RRP1: variants seen among roughly 807,000 people sequenced by gnomAD.
The protein encoded by RRP1 is ribosomal RNA processing protein 1 homolog A.
A neutral mutation model predicts 54.6 loss-of-function variants in RRP1; 37 were observed. The ratio of observed to expected loss-of-function variants is 0.68; its 90% confidence interval spans 0.52 to 0.89. RRP1 has a LOEUF of 0.89. RRP1 is among the 40% of genes least tolerant of loss of function. The pLI is 0.00. For synonymous variants in RRP1, 262 were observed against 244.3 expected (o/e 1.07, Z -0.67); for missense variants, 639 against 612.5 (o/e 1.04, Z -0.46).
rs1436172220 is a variant in RRP1 at position 43,803,632 on chromosome 21, G to A, written c.1244G>A (p.Arg415Gln). Reference protein sequence around the residue: ...EAGEQPGTAERALLRDQPRGR... With the variant: ...EAGEQPGTAEQALLRDQPRGR... ...GGTGAGCAGCCAGGCACAGCTGAGC[G>A]GGCCCTGCTCCGAGATCAGCCCAGG... The change falls in exon 13 of 13, where the codon CGG becomes CAG. Residue 415 changes from arginine to glutamine, a missense_variant. Coordinates refer to ENST00000497547, the MANE Select transcript of RRP1 (RefSeq NM_003683.6). 8 of 1,551,086 alleles carry A rather than the reference G, an allele frequency of 5.2e-6. No individual in the cohort carries two copies. The highest frequency in any genetic ancestry group is 1.2e-5 in the South Asian group (1 of 84,122).
chr21:43,791,703 C>T (rs1438839049), intron 2 of RRP1, among the ~76,000 whole-genome samples: 1 of 152,100 alleles, frequency 6.6e-6, no homozygotes, highest in African/African-American at 2.4e-5. Context: ...AGAGTTTCAT[C>T]ATGTTGGTCA....
chr21:43,801,710 G>A (rs1006886599), intron 11 of RRP1, among the ~76,000 whole-genome samples: 4 of 152,284 alleles, frequency 2.6e-5, no homozygotes, highest in Non-Finnish European at 4.4e-5. Flanking sequence ...TCGGGACAGC[G>A]CGCGTCAGTG....
At chr21:43,790,960 A>G (rs1211603774) in intron 1 of RRP1, 8 of 453,084 alleles carry the variant, frequency 1.8e-5, no homozygotes, top group African/African-American at 4.0e-5. Flanking sequence ...TTTGAGATAT[A>G]TTACAGGAGA....
chr21:43,793,665 C>T (rs865800568), intron 4 of RRP1, among the ~76,000 whole-genome samples: 4 of 152,226 alleles, frequency 2.6e-5, no homozygotes, highest in Admixed American at 6.5e-5. Context: ...AGGAAAGTGA[C>T]GATTGCTCTC....
chr21:43,800,415 G>C (rs2085073830), intron 9 of RRP1, 102 bp from the exon 10 acceptor site: 3 of 1,053,374 alleles, frequency 2.8e-6, no homozygotes, highest in Non-Finnish European at 4.3e-6. Context: ...TGGAGAACCT[G>C]CAAGTGGGAC....
intron 8 of RRP1, among the ~76,000 whole-genome samples, chr21:43,798,789 T>C (rs2085051545): frequency 6.6e-6 from 1 of 152,260 alleles, no homozygotes; most frequent in Admixed American, 6.5e-5. Context: ...GTCTGAGCTC[T>C]AAGTGTGGCA....
intron 11 of RRP1, among the ~76,000 whole-genome samples, chr21:43,801,828 C>G (rs2085095722): frequency 6.6e-6 from 1 of 152,200 alleles, no homozygotes; most frequent in African/African-American, 2.4e-5. Flanking sequence ...GGTTGAGCGT[C>G]TCTAATCTGA....
In RRP1 at chr21:43,803,960, T is replaced by G; in HGVS notation, c.*186T>G. 1 of 696,734 alleles carries G rather than the reference T, an allele frequency of 1.4e-6. No homozygotes were observed. Among genetic ancestry groups the G allele is most frequent in the Non-Finnish European group, 2.3e-6 (1 of 442,990 alleles). The allele number at this position is 696,734 out of a possible 1,614,324, so 43.2% of individuals were successfully genotyped here. A position where few individuals can be genotyped will look rare whatever the true frequency, so the allele number is the denominator to read the frequency against. On this transcript the variant is annotated 3_prime_UTR_variant, in exon 13 of 13. Coordinates refer to ENST00000497547, the MANE Select transcript of RRP1 (RefSeq NM_003683.6). Reference sequence around the variant, plus strand: ...GGCCAGCATCCCAGGAACTGGACCTTTCCCCAGAGCCTCCGCCTGTGGCTG... The same window carrying G: ...GGCCAGCATCCCAGGAACTGGACCTGTCCCCAGAGCCTCCGCCTGTGGCTG...
rs1225103099 is a variant in RRP1, at chr21:43,799,666, C to T, written c.891+17C>T. ...GTTCTCCAGGTGGGTTCCCTGGGCTCATGGCTGTGCCCTCAGCCTTTGCCC... is the reference window on the plus strand; with the variant it reads ...GTTCTCCAGGTGGGTTCCCTGGGCTTATGGCTGTGCCCTCAGCCTTTGCCC... On this transcript the variant is annotated intron_variant, in intron 9 of 12. Coordinates refer to ENST00000497547, the MANE Select transcript of RRP1 (RefSeq NM_003683.6). The T allele has an allele frequency of 1.2e-6, 2 of 1,600,822 alleles. No individual in the cohort carries two copies. Among genetic ancestry groups the T allele is most frequent in the South Asian group, 1.1e-5 (1 of 88,640 alleles).
chr21:43,800,027 G>A (rs1414710309), intron 9 of RRP1, among the ~76,000 whole-genome samples: 3 of 152,264 alleles, frequency 2.0e-5, no homozygotes, highest in African/African-American at 4.8e-5. Context: ...TGTGCCAAGC[G>A]GCTGGCCTGT....
intron 8 of RRP1, among the ~76,000 whole-genome samples, chr21:43,799,123 C>A (rs912272883): frequency 6.6e-6 from 1 of 152,090 alleles, no homozygotes; most frequent in African/African-American, 2.4e-5. Flanking sequence ...CATCAAAGCC[C>A]CAAATGCCCA....
chr21:43,797,258 C>T (rs1003195147), intron 5 of RRP1, 164 bp from the exon 6 acceptor site: 9 of 1,195,866 alleles, frequency 7.5e-6, no homozygotes, highest in Non-Finnish European at 9.1e-6. Context: ...GACCTAGGAT[C>T]GTTGATATCA....
chr21:43,799,732 A>G (rs1049238956), intron 9 of RRP1, 83 bp downstream of exon 9: 6 of 1,311,652 alleles, frequency 4.6e-6, no homozygotes, highest in Non-Finnish European at 6.5e-6. Context: ...GGGGGGCGTT[A>G]GGAGGGAGGA....
In RRP1 at chr21:43,793,323, C is replaced by T. The variant is rs114296196; in HGVS notation, c.279C>T (p.His93=). 1.2e-6 allele frequency: 2 copies of T among 1,614,194 alleles called. No homozygotes were observed. The highest frequency in any genetic ancestry group is 2.2e-5 in the East Asian group (1 of 44,894). The change falls in exon 4 of 13, where the codon CAC becomes CAT. Residue 93 remains histidine, a synonymous_variant. Transcript: ENST00000497547. The stretch of plus-strand genomic sequence containing the variant: ...TCTGGCTTATTCCTTCTCCAGAGCA[C>T]CTGTTCCTTCAGGCCTTCTGGCAGA... ...VHAFQTTEAQ[H]LFLQAFWQTM...
At chr21:43,795,411 T>G (rs1454213513) in intron 5 of RRP1, among the ~76,000 whole-genome samples, 161 bp downstream of exon 5, 3 of 152,192 alleles carry the variant, frequency 2.0e-5, no homozygotes. Flanking sequence ...AAAATCAGTT[T>G]GTGTGTTTGT....
intron 4 of RRP1, 94 bp from the exon 5 acceptor site, chr21:43,795,095 C>A: frequency 8.1e-7 from 1 of 1,239,954 alleles, no homozygotes; most frequent in Non-Finnish European, 1.2e-6. Flanking sequence ...ACGGCCATGA[C>A]TTTATCCTGC....
In RRP1 at chr21:43,797,905, A is replaced by G; in HGVS notation, c.618-2A>G. The stretch of plus-strand genomic sequence containing the variant: ...CTCACCGGCCTCTGCTCTGCCCCTC[A>G]GTTCCTTGGTTTTGAACAACATCAC... On this transcript the variant is annotated splice_acceptor_variant, in intron 7 of 12. Coordinates refer to ENST00000497547, the MANE Select transcript of RRP1 (RefSeq NM_003683.6). LOFTEE classifies it high-confidence loss of function. 6.2e-7 allele frequency: 1 copy of G among 1,612,870 alleles called. No homozygotes were observed. Among genetic ancestry groups the G allele is most frequent in the South Asian group, 1.1e-5 (1 of 91,000 alleles).
chr21:43,789,852 A>G, intron 1 of RRP1, 90 bp downstream of exon 1: 2 of 1,371,594 alleles, frequency 1.5e-6, no homozygotes, highest in South Asian at 3.2e-5. Context: ...GGGCCCTCCG[A>G]GCCCTGTGGA....
At position 43,802,347 on chromosome 21, in the gene RRP1, G is replaced by A. The variant is rs369547951; in HGVS notation, c.1083G>A (p.Thr361=). 137 of 1,613,950 alleles carry A rather than the reference G, an allele frequency of 8.5e-5. No homozygotes were observed. The African/African-American group carries it at 1.2e-3, about 14-fold the overall frequency. Residue 361 remains threonine, a synonymous_variant, in exon 12 of 13, where the codon ACG becomes ACA. Transcript: ENST00000497547. ...TTGAAGGGAGGCGGCAGAAGAAGACGAAGAAGCAGAAGCGTCTGCTCAGGT... is the reference window on the plus strand; with the variant it reads ...TTGAAGGGAGGCGGCAGAAGAAGACAAAGAAGCAGAAGCGTCTGCTCAGGT... ...RLLEGRRQKK[T]KKQKRLLRLQ...
Sources: allele counts gnomAD v4.1 joint callset (sites outside exome capture counted in the v4.1 genomes callset), GRCh38; gene constraint gnomAD v4.1.1; transcripts MANE v1.5; gene names NCBI Gene and HGNC (gene_info 2026-07-23, HGNC 2026-07-21).